The following DIAPH2 variants were observed in gnomAD, a reference collection of about 807,000 sequenced individuals.
DIAPH2 encodes the protein protein diaphanous homolog 2.
DIAPH2 carries 35 observed loss-of-function variants against 92.7 expected under a neutral mutation model. The ratio of observed to expected loss-of-function variants is 0.38; its 90% CI spans 0.29 to 0.50. DIAPH2 has a LOEUF of 0.50. Among genes scored for constraint, DIAPH2 ranks in the 20% least tolerant of loss-of-function variants. The pLI is 0.94. For synonymous variants in DIAPH2, 301 were observed against 280.4 expected (o/e 1.07, Z -0.73); for missense variants, 701 against 819.5 (o/e 0.86, Z 1.77).
chrX:97,350,010 A>G (rs899291784), intron 24 of DIAPH2, among the ~76,000 whole-genome samples: 4 of 111,497 alleles, frequency 3.6e-5, no homozygotes, highest in African/African-American at 1.3e-4. Context: ...GTGAATGGAT[A>G]TATAAGAATA....
chrX:97,449,564 G>A, intron 26 of DIAPH2: 1 of 341,139 alleles, frequency 2.9e-6, no homozygotes, highest in Non-Finnish European at 3.8e-6. Flanking sequence ...ACTACCGATG[G>A]TCATTCAAAG....
At chrX:97,180,314 G>T (rs1325493158) in intron 22 of DIAPH2, among the ~76,000 whole-genome samples, 2 of 111,956 alleles carry the variant, frequency 1.8e-5, no homozygotes, top group African/African-American at 6.5e-5. Flanking sequence ...ATTAAGAACT[G>T]TCTGTTCATA....
intron 14 of DIAPH2, among the ~76,000 whole-genome samples, chrX:96,947,580 A>G (rs1312509497): frequency 3.6e-5 from 4 of 111,288 alleles, no homozygotes; most frequent in African/African-American, 1.3e-4. Context: ...AAAGCATTTC[A>G]GGTTCGACCC....
chrX:96,896,356 A>G (rs754212428), intron 5 of DIAPH2, among the ~76,000 whole-genome samples: 14 of 111,858 alleles, frequency 1.3e-4, no homozygotes, highest in Non-Finnish European at 1.7e-4. Flanking sequence ...AATGATTTTT[A>G]TGTTGTTGAT....
intron 4 of DIAPH2, among the ~76,000 whole-genome samples, chrX:96,798,248 A>G (rs763106012): frequency 1.8e-5 from 2 of 112,220 alleles, no homozygotes; most frequent in African/African-American, 6.5e-5. Flanking sequence ...TTTCTGTAGT[A>G]GATCACTTTA....
intron 26 of DIAPH2, among the ~76,000 whole-genome samples, chrX:97,469,467 A>T (rs1189794757): frequency 9.0e-6 from 1 of 111,530 alleles, no homozygotes; most frequent in African/African-American, 3.3e-5. Flanking sequence ...ATTATGTGAC[A>T]CGTTTATCAT....
intron 17 of DIAPH2, among the ~76,000 whole-genome samples, chrX:97,018,399 T>C (rs149800312): frequency 0.013 from 1,447 of 112,462 alleles, 13 homozygotes; most frequent in Middle Eastern, 0.023. Context: ...TATTGGTTCT[T>C]CATTTTTATT....
intron 23 of DIAPH2, among the ~76,000 whole-genome samples, chrX:97,289,359 C>T (rs2068571211): frequency 8.9e-6 from 1 of 111,925 alleles, no homozygotes; most frequent in African/African-American, 3.2e-5. Flanking sequence ...ATTAGATTTG[C>T]TTTAAATGGT....
intron 26 of DIAPH2, among the ~76,000 whole-genome samples, chrX:97,486,477 T>C (rs1452343057): frequency 2.7e-5 from 3 of 111,968 alleles, no homozygotes; most frequent in African/African-American, 9.7e-5. Context: ...ACCAGAACAG[T>C]ATATATGTTA....
chrX:96,893,732 A>T (rs1257062448), intron 5 of DIAPH2, among the ~76,000 whole-genome samples: 3 of 112,238 alleles, frequency 2.7e-5, no homozygotes, highest in African/African-American at 9.7e-5. Flanking sequence ...CTCCCCTTGG[A>T]CTGTCTATCA....
At chrX:97,071,931 T>TGTA in intron 17 of DIAPH2, among the ~76,000 whole-genome samples, 1 of 112,144 alleles carries the variant, frequency 8.9e-6, no homozygotes, top group East Asian at 2.8e-4. Context: ...GAACCAGTGA[T>TGTA]GTAATTTAGC....
At chrX:97,553,275 A>AAGATG (rs2071233286) in intron 26 of DIAPH2, among the ~76,000 whole-genome samples, 1 of 111,833 alleles carries the variant, frequency 8.9e-6, no homozygotes, top group Admixed American at 9.5e-5. Flanking sequence ...CACCCTAATT[A>AAGATG]ATTAAATATT....
intron 19 of DIAPH2, among the ~76,000 whole-genome samples, chrX:97,082,775 G>T (rs2066756790): frequency 8.9e-6 from 1 of 111,752 alleles, no homozygotes; most frequent in Non-Finnish European, 1.9e-5. Context: ...TACTAGCTGT[G>T]AGGCTACTTC....
chrX:97,094,038 GA>G (rs1245646100), intron 19 of DIAPH2, among the ~76,000 whole-genome samples: 1 of 111,884 alleles, frequency 8.9e-6, no homozygotes, highest in African/African-American at 3.3e-5. Context: ...AGATGAAAAG[GA>G]TGCCAGTTCT....
intron 22 of DIAPH2, among the ~76,000 whole-genome samples, chrX:97,180,968 G>A (rs1423061870): frequency 9.0e-6 from 1 of 111,608 alleles, no homozygotes; most frequent in African/African-American, 3.3e-5. Flanking sequence ...TTTTTGCTTA[G>A]GATTGTCTTA....
chrX:97,272,904 C>G (rs903417841), intron 23 of DIAPH2, among the ~76,000 whole-genome samples: 1 of 111,830 alleles, frequency 8.9e-6, no homozygotes, highest in Non-Finnish European at 1.9e-5. Flanking sequence ...GTGTGTAATC[C>G]CAGCACTTTG....
chrX:96,711,855 A>G (rs896196178), intron 1 of DIAPH2, among the ~76,000 whole-genome samples: 1 of 111,159 alleles, frequency 9.0e-6, no homozygotes, highest in African/African-American at 3.3e-5. Flanking sequence ...AAATGTCATA[A>G]TATTTGTTAG....
At chrX:97,516,263 TAATA>T (rs1167156646) in intron 26 of DIAPH2, among the ~76,000 whole-genome samples, 2 of 107,210 alleles carry the variant, frequency 1.9e-5, no homozygotes, top group Admixed American at 9.9e-5. Flanking sequence ...TCAAAAAAAA[TAATA>T]AATAAAAAAA....
At chrX:97,256,865 A>G (rs1292990663) in intron 23 of DIAPH2, among the ~76,000 whole-genome samples, 1 of 110,890 alleles carries the variant, frequency 9.0e-6, no homozygotes, top group Non-Finnish European at 1.9e-5. Context: ...GAGTTTCACC[A>G]TATTAGCCAG....
Sources: allele counts gnomAD v4.1 joint callset (sites outside exome capture counted in the v4.1 genomes callset), GRCh38; gene constraint gnomAD v4.1.1; transcripts MANE v1.5; gene names NCBI Gene and HGNC (gene_info 2026-07-23, HGNC 2026-07-21).